Variants in TNFRSF8 observed in about 807,000 individuals in gnomAD.
TNFRSF8 encodes the protein tumor necrosis factor receptor superfamily member 8.
A neutral mutation model predicts 70.8 loss-of-function variants in TNFRSF8; 26 were observed. The ratio of observed to expected loss-of-function variants is 0.37; its 90% CI spans 0.27 to 0.51. TNFRSF8 has a LOEUF of 0.51. Among genes scored for constraint, TNFRSF8 ranks in the 20% least tolerant of loss-of-function variants. The pLI, the probability that TNFRSF8 is intolerant of heterozygous loss-of-function variation, is 0.94. For missense variants in TNFRSF8, 720 were observed against 807.9 expected (o/e 0.89, Z 1.32); for synonymous variants, 356 against 339.2 (o/e 1.05, Z -0.54).
chr1:12,129,441 T>C (rs1642006071), intron 12 of TNFRSF8, among the ~76,000 whole-genome samples: 3 of 152,216 alleles, frequency 2.0e-5, no homozygotes, highest in African/African-American at 2.4e-5. Context: ...TCAGGCCCTG[T>C]TGAAGTTTCT....
At chr1:12,090,481 TACCCACTCATCCATCCACCC>T (rs1173770416) in intron 2 of TNFRSF8, among the ~76,000 whole-genome samples, 60 of 139,472 alleles carry the variant, frequency 4.3e-4, no homozygotes, top group African/African-American at 1.6e-4. Context: ...TCCATCCACG[TACCCACTCATCCATCCACCC>T]ACCCACTCAT....
intron 2 of TNFRSF8, among the ~76,000 whole-genome samples, chr1:12,089,126 A>G (rs886945723): frequency 2.0e-5 from 3 of 152,036 alleles, no homozygotes; most frequent in Non-Finnish European, 4.4e-5. Flanking sequence ...CATTTGTTGG[A>G]TGGATGGAGG....
Position 12,108,854 on chromosome 1 carries a change from C to A in TNFRSF8, c.422-712C>A, listed in dbSNP as rs1201806914. Among the ~76,000 whole-genome samples, 2 of 152,074 alleles carry A rather than the reference C, an allele frequency of 1.3e-5. No individual in the cohort carries two copies. Among genetic ancestry groups the A allele is most frequent in the African/African-American group, 4.8e-5 (2 of 41,416 alleles). On this transcript the variant is annotated intron_variant, in intron 4 of 14. Transcript: ENST00000263932. This position sits in a 1 kb window ranked among gnomAD's most constrained non-coding sequence, Gnocchi z 4.0. The stretch of plus-strand genomic sequence containing the variant: ...AAGTAAATAAAATGGACTTTCCTGG[C>A]ACAGTTAGGACATAGCAGGCAAACT...
chr1:12,092,548 C>G (rs1315727350), intron 2 of TNFRSF8, among the ~76,000 whole-genome samples: 2 of 148,256 alleles, frequency 1.3e-5, no homozygotes, highest in Non-Finnish European at 3.0e-5. Context: ...CACTCTGTAA[C>G]CCAGGCTGGA....
chr1:12,142,709 C>T lies in TNFRSF8; in HGVS notation c.*178C>T, dbSNP rs1642279150. ...TGGTGGTCTCTGCTTGCATCCCCAA[C>T]TTAGCTGTCCCCTGACCCAGAGCCT... On this transcript the variant is annotated 3_prime_UTR_variant, in exon 15 of 15. Transcript: ENST00000263932. The surrounding 1 kb of genome is among the most constrained non-coding windows in gnomAD (Gnocchi z 5.0). The T allele has an allele frequency of 1.2e-6, 1 of 809,734 alleles. No individual in the cohort carries two copies. The highest frequency in any genetic ancestry group is 1.9e-5 in the South Asian group (1 of 53,524). The allele number at this position is 809,734 out of a possible 1,614,324, so 50.2% of individuals were successfully genotyped here. A position where few individuals can be genotyped will look rare whatever the true frequency, so the allele number is the denominator to read the frequency against.
intron 7 of TNFRSF8, 145 bp from the exon 8 acceptor site, chr1:12,115,432 C>G (rs1355816573): frequency 7.9e-6 from 7 of 891,124 alleles, no homozygotes; most frequent in Non-Finnish European, 1.3e-5. Context: ...GCTGGGAGAG[C>G]TGCTCAACGG....
intron 1 of TNFRSF8, among the ~76,000 whole-genome samples, chr1:12,081,161 G>T (rs1641056283): frequency 1.3e-5 from 2 of 152,158 alleles, no homozygotes; most frequent in African/African-American, 4.8e-5. Flanking sequence ...CATTGACCCA[G>T]GTGTGATGGC....
At position 12,107,240 on chromosome 1, in the gene TNFRSF8, C is replaced by T. The variant is rs1004875321; in HGVS notation, c.422-2326C>T. On this transcript the variant is annotated intron_variant, in intron 4 of 14. Coordinates refer to ENST00000263932, the MANE Select transcript of TNFRSF8 (RefSeq NM_001243.5). ...TGAAACCTCGTCTCTACTAAAAATA[C>T]AAAAGTTGGCCAGGTGTGGTGGCGG... Among the ~76,000 whole-genome samples, 4 of 152,094 alleles carry T rather than the reference C, an allele frequency of 2.6e-5. No homozygotes were observed. In the East Asian group the frequency reaches 5.8e-4, roughly 22 times the overall value.
At chr1:12,130,560 C>T (rs1356615326) in intron 12 of TNFRSF8, among the ~76,000 whole-genome samples, 1 of 152,244 alleles carries the variant, frequency 6.6e-6, no homozygotes, top group African/African-American at 2.4e-5. Context: ...TGGGCCTGTT[C>T]TGCTTCCCAC....
At chr1:12,072,277 A>G (rs1640861069) in intron 1 of TNFRSF8, among the ~76,000 whole-genome samples, 1 of 152,190 alleles carries the variant, frequency 6.6e-6, no homozygotes, top group Non-Finnish European at 1.5e-5. Context: ...TATGTGGGGC[A>G]TTATGGATAC....
In TNFRSF8 at chr1:12,126,238, T is replaced by A; in HGVS notation, c.1309+2T>A. ...CCCAGCCCAAGCTAGAGCTTGTGGGTGAGTGTCCAGCCGTCCAAAGGGGCT... is the reference window on the plus strand; with the variant it reads ...CCCAGCCCAAGCTAGAGCTTGTGGGAGAGTGTCCAGCCGTCCAAAGGGGCT... On this transcript the variant is annotated splice_donor_variant, in intron 12 of 14. Coordinates refer to ENST00000263932, the MANE Select transcript of TNFRSF8 (RefSeq NM_001243.5). LOFTEE classifies it high-confidence loss of function. The A allele has an allele frequency of 6.2e-7, 1 of 1,614,036 alleles. No homozygotes were observed. The highest frequency in any genetic ancestry group is 8.5e-7 in the Non-Finnish European group (1 of 1,180,000).
At position 12,126,074 on chromosome 1, in the gene TNFRSF8, G is replaced by A. The variant is rs1451258440; in HGVS notation, c.1255+22G>A. On this transcript the variant is annotated intron_variant, in intron 11 of 14. Transcript: ENST00000263932. ...CAGAGTAAGTGGCTGTGTCCTTGGG[G>A]CCTTGGGGAGGACAGGTTGCTCTCT... 7 of 1,612,422 alleles carry A rather than the reference G, an allele frequency of 4.3e-6. No individual in the cohort carries two copies. In the African/African-American group the frequency reaches 8.0e-5, roughly 18 times the overall value.
At chr1:12,068,229 T>A (rs1349922642) in intron 1 of TNFRSF8, among the ~76,000 whole-genome samples, 1 of 150,340 alleles carries the variant, frequency 6.7e-6, no homozygotes, top group African/African-American at 2.5e-5. Flanking sequence ...CCCGGGGGAG[T>A]CCTGGAGGCT....
intron 7 of TNFRSF8, 93 bp from the exon 8 acceptor site, chr1:12,115,484 G>T: frequency 7.2e-7 from 1 of 1,385,888 alleles, no homozygotes; most frequent in South Asian, 1.2e-5. Context: ...GATGACCCTT[G>T]GACAACTGCT....
rs1178192514 is a variant in TNFRSF8 at position 12,112,479 on chromosome 1, TC to T, written c.793+468del. Among the ~76,000 whole-genome samples the T allele has an allele frequency of 2.0e-5, 3 of 151,826 alleles. No homozygotes were observed. On this transcript the variant is annotated intron_variant, in intron 7 of 14. Coordinates refer to ENST00000263932, the MANE Select transcript of TNFRSF8 (RefSeq NM_001243.5). The surrounding 1 kb of genome is among the most constrained non-coding windows in gnomAD (Gnocchi z 5.3). ...ATCATAGCTCCCTGCAGCTGTGACC[TC>T]CCAGGATCACATGATCCTTTTGCCT... is the stretch of plus-strand genomic sequence containing the variant.
intron 14 of TNFRSF8, among the ~76,000 whole-genome samples, chr1:12,140,851 C>G (rs1642239281): frequency 6.6e-6 from 1 of 152,128 alleles, no homozygotes; most frequent in Non-Finnish European, 1.5e-5. Context: ...GCCCATCCCC[C>G]TCTGGGCCTT....
intron 1 of TNFRSF8, among the ~76,000 whole-genome samples, chr1:12,079,974 G>C (rs1313071685): frequency 1.4e-5 from 2 of 146,846 alleles, no homozygotes; most frequent in East Asian, 3.9e-4. Context: ...TTTGAGGCAG[G>C]GTCTCACTCT....
chr1:12,101,589 C>T (rs1304758278), intron 3 of TNFRSF8, among the ~76,000 whole-genome samples: 2 of 152,206 alleles, frequency 1.3e-5, no homozygotes, highest in African/African-American at 4.8e-5. Context: ...CCAACATCTC[C>T]ACAAACATGG....
At chr1:12,090,001 C>T (rs538016659) in intron 2 of TNFRSF8, among the ~76,000 whole-genome samples, 4 of 151,620 alleles carry the variant, frequency 2.6e-5, no homozygotes, top group Admixed American at 2.0e-4. Flanking sequence ...ATTCATCTAT[C>T]TACCCATCTA....
Sources: allele counts gnomAD v4.1 joint callset (sites outside exome capture counted in the v4.1 genomes callset), GRCh38; gene constraint gnomAD v4.1.1; non-coding constraint Gnocchi (gnomAD v3.1); transcripts MANE v1.5; gene names NCBI Gene and HGNC (gene_info 2026-07-23, HGNC 2026-07-21).